TCIRG1: variants seen among roughly 807,000 people sequenced by gnomAD.
The protein encoded by TCIRG1 is V-type proton ATPase 116 kDa subunit a 3.
TCIRG1 carries 86 observed loss-of-function variants against 95.5 expected under a neutral mutation model. The ratio of observed to expected loss-of-function variants is 0.90; its 90% confidence interval spans 0.76 to 1.08. The LOEUF (loss-of-function observed/expected upper bound fraction) is 1.08, where lower values mean the gene tolerates loss of function less well. Ranked by LOEUF, TCIRG1 falls within the 50% of genes least tolerant of loss-of-function variation. The probability of loss-of-function intolerance (pLI) is 0.00; values close to 1 mark genes in which losing one functional copy is unlikely to be tolerated. For synonymous variants in TCIRG1, 499 were observed against 501.3 expected (o/e 1.00, Z 0.06); for missense variants, 1,069 against 1,140.2 (o/e 0.94, Z 0.90).
At chr11:68,040,113 G>A (rs1284273441) in intron 1 of TCIRG1, among the ~76,000 whole-genome samples, 3 of 152,198 alleles carry the variant, frequency 2.0e-5, no homozygotes, top group Admixed American at 6.5e-5. Flanking sequence ...GTGTGAGGTC[G>A]TGTGGATGAA....
chr11:68,044,379 G>C, intron 9 of TCIRG1, 35 bp downstream of exon 9: 12 of 1,508,858 alleles, frequency 8.0e-6, no homozygotes, highest in Non-Finnish European at 8.9e-6. Flanking sequence ...CTCTCCGCCC[G>C]CCCCTCCTAC....
chr11:68,047,447 A>C lies in TCIRG1; in HGVS notation c.1180A>C (p.Ile394Leu). 6.2e-7 allele frequency: 1 copy of C among 1,613,850 alleles called. No homozygotes were observed. The highest frequency in any genetic ancestry group is 8.5e-7 in the Non-Finnish European group (1 of 1,179,956). ...QEVNPAPYTI[I>L]TFPFLFAVMF... Reference sequence around the variant, plus strand: ...TCTGCCCACAGCTCCCTACACCATCATCACCTTCCCCTTCCTGTTTGCTGT... The same window carrying C: ...TCTGCCCACAGCTCCCTACACCATCCTCACCTTCCCCTTCCTGTTTGCTGT... Residue 394 changes from isoleucine (I) to leucine (L), a missense_variant, in exon 11 of 20, where the codon ATC becomes CTC. Transcript: ENST00000265686.
rs575739241 is a variant in TCIRG1 at position 68,043,087 on chromosome 11, C to T, written c.503+56C>T. ...GGCCAGCCCAGAACCCCTGGCCAGT[C>T]GCTGGGCTGGGCCAGGCTGAGCTCC... On this transcript the variant is annotated intron_variant, in intron 5 of 19. Coordinates refer to ENST00000265686, the MANE Select transcript of TCIRG1 (RefSeq NM_006019.4). 3.8e-5 allele frequency: 59 copies of T among 1,548,248 alleles called. No individual in the cohort carries two copies. In the East Asian group the frequency reaches 1.2e-3, roughly 31 times the overall value.
rs148921764 is a variant in TCIRG1, at chr11:68,050,182, G to A, written c.2164G>A (p.Glu722Lys). The A allele has an allele frequency of 2.4e-5, 38 of 1,613,578 alleles. No homozygotes were observed. The highest frequency in any genetic ancestry group is 2.8e-5 in the Non-Finnish European group (33 of 1,179,950). Residue 722 changes from glutamate to lysine, a missense_variant, in exon 18 of 20, where the codon GAG (glutamate) becomes AAG (lysine). Coordinates refer to ENST00000265686, the MANE Select transcript of TCIRG1 (RefSeq NM_006019.4). ...CATGCACCAGGCCATCCACACCATC[G>A]AGTTCTGCCTGGGCTGCGTCTCCAA... The part of the protein sequence containing the change: ...VLMHQAIHTI[E>K]FCLGCVSNTA...
rs1855231209 is a variant in TCIRG1, at chr11:68,042,739, A to G, written c.293A>G (p.Gln98Arg). 1.9e-6 allele frequency: 3 copies of G among 1,547,058 alleles called. No homozygotes were observed. The highest frequency in any genetic ancestry group is 2.6e-6 in the Non-Finnish European group (3 of 1,146,278). ...APPPRDLLRI[Q>R]EETERLAQEL... ...CCACCCCGGGACCTGCTGCGCATCC[A>G]GGAGGAGACGGAGCGCCTGGCCCAG... The change falls in exon 4 of 20, where the codon CAG (glutamine) becomes CGG (arginine). Residue 98 changes from glutamine to arginine, a missense_variant. Physicochemically the swap from Gln to Arg is conservative, Grantham distance 43 (BLOSUM62 1). Transcript: ENST00000265686.
rs1243962399 is a variant in TCIRG1 at position 68,050,818 on chromosome 11, A to G, written c.2492A>G (p.Ter831TrpextTer14). ...TTCACCTTCGCTGCCACAGATGACT[A>G]GGGCCCACTGCAGGTCCTGCCAGAC... is the stretch of plus-strand genomic sequence containing the variant. ...SPFTFAATDD[*>W] The change falls in exon 20 of 20, where the codon TAG (stop) becomes TGG (tryptophan). Residue 831 changes from the stop codon to tryptophan (W), a stop_lost. Transcript: ENST00000265686. The G allele has an allele frequency of 6.2e-7, 1 of 1,613,170 alleles. No individual in the cohort carries two copies. Among genetic ancestry groups the G allele is most frequent in the Non-Finnish European group, 8.5e-7 (1 of 1,179,964 alleles).
chr11:68,041,502 C>T, intron 2 of TCIRG1, 114 bp downstream of exon 2: 1 of 850,304 alleles, frequency 1.2e-6, no homozygotes, highest in Non-Finnish European at 1.9e-6. Flanking sequence ...CATTTGAACC[C>T]CAGCGGCCCC....
In TCIRG1 at chr11:68,041,849, C is replaced by T. The variant is rs752163571; in HGVS notation, c.196+18C>T. The T allele has an allele frequency of 6.3e-7, 1 of 1,595,100 alleles. No homozygotes were observed. Among genetic ancestry groups the T allele is most frequent in the South Asian group, 1.1e-5 (1 of 88,338 alleles). On this transcript the variant is annotated intron_variant, in intron 3 of 19. Coordinates refer to ENST00000265686, the MANE Select transcript of TCIRG1 (RefSeq NM_006019.4). Reference sequence around the variant, plus strand: ...GACCTTCAGTGAGTTGGTCCCAGGCCTACATTCCAGGCAGGCTTCCTGGAG... The same window carrying T: ...GACCTTCAGTGAGTTGGTCCCAGGCTTACATTCCAGGCAGGCTTCCTGGAG...
chr11:68,047,423 C>CTGA lies in TCIRG1; in HGVS notation c.1166-8_1166-7insATG, dbSNP rs1175418756. Reference sequence around the variant, plus strand: ...TCGGGGGTTCCCAGCTCACCCACCTCTGCCCACAGCTCCCTACACCATCAT... The same window carrying CTGA: ...TCGGGGGTTCCCAGCTCACCCACCTCTGATGCCCACAGCTCCCTACACCATCAT... On this transcript the variant is annotated splice_polypyrimidine_tract_variant and intron_variant, in intron 10 of 19. Coordinates refer to ENST00000265686, the MANE Select transcript of TCIRG1 (RefSeq NM_006019.4). The CTGA allele has an allele frequency of 1.9e-6, 3 of 1,613,806 alleles. No individual in the cohort carries two copies. The highest frequency in any genetic ancestry group is 2.7e-5 in the African/African-American group (2 of 75,012).
At chr11:68,048,124 C>T (rs1442539992) in intron 13 of TCIRG1, 152 bp downstream of exon 13, 2 of 743,770 alleles carry the variant, frequency 2.7e-6, no homozygotes, top group South Asian at 1.5e-5. Context: ...AAGCCTCCTG[C>T]CCTGCGGAGC....
At chr11:68,050,897 T>A (rs1474481195), downstream of TCIRG1, 1 of 1,487,864 alleles carries the variant, frequency 6.7e-7, no homozygotes, top group Admixed American at 1.7e-5. Flanking sequence ...GCCCTGGCAG[T>A]GATGTCTCGT....
chr11:68,042,387 C>T lies in TCIRG1; in HGVS notation c.197-256C>T, dbSNP rs545531128. 3.3e-5 allele frequency among the ~76,000 whole-genome samples: 5 copies of T among 152,318 alleles called. No homozygotes were observed. In the South Asian group the frequency reaches 6.2e-4, roughly 19 times the overall value. On this transcript the variant is annotated intron_variant, in intron 3 of 19. Coordinates refer to ENST00000265686, the MANE Select transcript of TCIRG1 (RefSeq NM_006019.4). ...CCAGCTCCGGTCCCAAGCCCTGCAG[C>T]GCAAGGGCCGGCCTGTGGGGAGACC...
intron 1 of TCIRG1, chr11:68,039,981 C>G (rs753409888): frequency 6.6e-6 from 1 of 152,374 alleles, no homozygotes; most frequent in African/African-American, 2.4e-5. Flanking sequence ...CAACCCTCCT[C>G]TGAGCTCACC....
chr11:68,050,233 G>A lies in TCIRG1; in HGVS notation c.2215G>A (p.Ala739Thr). The change falls in exon 18 of 20, where the codon GCC (alanine) becomes ACC (threonine). Residue 739 changes from alanine to threonine, a missense_variant. Ala to Thr is a moderately conservative substitution (Grantham distance 58). Coordinates refer to ENST00000265686, the MANE Select transcript of TCIRG1 (RefSeq NM_006019.4). ...CACCGCCTCCTACCTGCGCCTGTGG[G>A]CCCTGAGCCTGGCCCACGCCCGTGA... ...SNTASYLRLWALSLAHAQLSE... is the reference protein window; with the variant it reads ...SNTASYLRLWTLSLAHAQLSE... 3 of 1,613,248 alleles carry A rather than the reference G, an allele frequency of 1.9e-6. 1 individual carries two copies. In the South Asian group the frequency reaches 3.3e-5, roughly 18 times the overall value.
At chr11:68,049,544 C>G (rs921921012) in intron 15 of TCIRG1, 119 bp from the exon 16 acceptor site, 2 of 1,403,746 alleles carry the variant, frequency 1.4e-6, no homozygotes, top group East Asian at 2.5e-5. Context: ...ACGGAGCCCC[C>G]GGGGGCCCTG....
At chr11:68,047,261 C>CCG (rs1554997443) in intron 10 of TCIRG1, among the ~76,000 whole-genome samples, 172 bp from the exon 11 acceptor site, 2 of 108,086 alleles carry the variant, frequency 1.9e-5, no homozygotes, top group Non-Finnish European at 4.2e-5. Flanking sequence ...TGCCCCCCCC[C>CCG]CCCCCCGTCT....
At chr11:68,040,929 G>A (rs1223237981) in intron 1 of TCIRG1, among the ~76,000 whole-genome samples, 1 of 152,212 alleles carries the variant, frequency 6.6e-6, no homozygotes, top group African/African-American at 2.4e-5. Context: ...TAGGGTGACG[G>A]CAGCCCGAGA....
rs2134430861 is a variant in TCIRG1, at chr11:68,041,379, G to C, written c.108G>C (p.Glu36Asp). Residue 36 changes from glutamate to aspartate, a missense_variant, in exon 2 of 20, where the codon GAG becomes GAC. Physicochemically the swap from Glu to Asp is conservative, Grantham distance 45 (BLOSUM62 2). Coordinates refer to ENST00000265686, the MANE Select transcript of TCIRG1 (RefSeq NM_006019.4). ...GGCTGGGCGAGCTGGGCCTCGTGGA[G>C]TTCAGAGACGTGAGTTGGGTGGGCA... ...VSRLGELGLV[E>D]FRDLNASVSA... 4.3e-6 allele frequency: 7 copies of C among 1,610,564 alleles called. No individual in the cohort carries two copies. The highest frequency in any genetic ancestry group is 5.9e-6 in the Non-Finnish European group (7 of 1,177,828).
chr11:68,049,617 G>C (rs1372140930), intron 15 of TCIRG1, 46 bp from the exon 16 acceptor site: 6 of 1,588,218 alleles, frequency 3.8e-6, no homozygotes, highest in Non-Finnish European at 5.1e-6. Context: ...TTCCTTTGCA[G>C]GTGTGCACAG....
Sources: gnomAD v4.1 joint callset for allele counts (sites outside exome capture counted in the v4.1 genomes callset) on GRCh38, gnomAD v4.1.1 for gene constraint, MANE v1.5 for transcripts, NCBI Gene and HGNC (gene_info 2026-07-23, HGNC 2026-07-21) for gene names.